Variants in CUX1 observed in about 807,000 individuals in gnomAD.
The protein encoded by CUX1 is protein CASP.
In CUX1, 31 loss-of-function variants were observed where a neutral mutation model predicts 158.8. That is an observed-to-expected ratio of 0.20 (90% CI 0.15 to 0.26). The LOEUF (loss-of-function observed/expected upper bound fraction) is 0.26. Among genes scored for constraint, CUX1 ranks in the 10% least tolerant of loss-of-function variants. The pLI, the probability that CUX1 is intolerant of heterozygous loss-of-function variation, is 1.00. For synonymous variants in CUX1, 879 were observed against 862.1 expected, an observed-to-expected ratio of 1.02 and a Z score of -0.34; for missense variants, 1,589 against 2,014.6, an observed-to-expected ratio of 0.79 and a Z score of 4.04.
chr7:102,205,002 G>A (rs1554520705), intron 19 of CUX1, 112 bp from the exon 20 acceptor site: 7 of 690,570 alleles, frequency 1.0e-5, no homozygotes, highest in South Asian at 5.7e-5. Flanking sequence ...CCCCATGCCC[G>A]CCCCTCCCCA....
intron 6 of CUX1, among the ~76,000 whole-genome samples, chr7:102,111,178 T>A (rs1443953671): frequency 6.6e-6 from 1 of 151,704 alleles, no homozygotes; most frequent in East Asian, 1.9e-4. Flanking sequence ...TCCTGGGAAA[T>A]CTGAATCTGT....
chr7:101,922,574 C>G (rs1805078759), intron 2 of CUX1, among the ~76,000 whole-genome samples: 1 of 152,208 alleles, frequency 6.6e-6, no homozygotes, highest in African/African-American at 2.4e-5. Context: ...CCCATAGTCC[C>G]AGTTTCAGCT....
intron 2 of CUX1, among the ~76,000 whole-genome samples, chr7:102,007,942 A>G (rs1817570486): frequency 6.6e-6 from 1 of 151,866 alleles, no homozygotes; most frequent in African/African-American, 2.4e-5. Flanking sequence ...GCAAGGTTTC[A>G]CCATGTTGGT....
chr7:102,087,411 T>A (rs1554480892), intron 4 of CUX1, among the ~76,000 whole-genome samples: 1 of 152,118 alleles, frequency 6.6e-6, no homozygotes, highest in Non-Finnish European at 1.5e-5. Context: ...AGAAACCCTA[T>A]CTCTACTAAA....
chr7:102,055,147 G>A (rs1206138199), intron 3 of CUX1, among the ~76,000 whole-genome samples: 1 of 151,492 alleles, frequency 6.6e-6, no homozygotes, highest in Admixed American at 6.6e-5. Flanking sequence ...CACAAGTTTT[G>A]TATTTCTTTT....
At chr7:102,144,230 G>A (rs1554501218) in intron 8 of CUX1, among the ~76,000 whole-genome samples, 2 of 152,160 alleles carry the variant, frequency 1.3e-5, no homozygotes, top group South Asian at 4.1e-4. Context: ...CAGCATCAGT[G>A]CACGCTTTAC....
chr7:101,841,392 C>T (rs1394987584), intron 1 of CUX1, among the ~76,000 whole-genome samples: 2 of 151,578 alleles, frequency 1.3e-5, no homozygotes, highest in Non-Finnish European at 1.5e-5. Flanking sequence ...TTTAGTTGTA[C>T]ATAGAGGTTT....
Position 102,170,542 on chromosome 7 carries a change from C to A in CUX1, c.820C>A (p.Pro274Thr). ...GCTGGCCTCACAGATCCAGAAGGCA[C>A]CAGACGTGGTGGGTAGCCCCGGCCC... ...LQLASQIQKA[P>T]DVEQAIEVLT... The change falls in exon 10 of 24, where the codon CCA (proline) becomes ACA (threonine). Residue 274 changes from proline (P) to threonine (T), a missense_variant. This residue lies in a region of CUX1 where 515 missense variants were observed against 574.4 expected (regional missense o/e 0.90). Coordinates refer to ENST00000292535, the MANE Select transcript of CUX1 (RefSeq NM_181552.4). 6.3e-7 allele frequency: 1 copy of A among 1,579,718 alleles called. No individual in the cohort carries two copies.
intron 6 of CUX1, among the ~76,000 whole-genome samples, chr7:102,110,504 A>C (rs183018367): frequency 6.6e-6 from 1 of 152,316 alleles, no homozygotes; most frequent in Admixed American, 6.5e-5. Flanking sequence ...ATTCGTTCAT[A>C]TTACGCTGTA....
intron 2 of CUX1, among the ~76,000 whole-genome samples, chr7:101,984,077 C>CAAAAAAAAAAA (rs1181549351): frequency 1.8e-4 from 3 of 16,768 alleles, no homozygotes; most frequent in African/African-American, 9.3e-4. Flanking sequence ...TGTCCCCCCC[C>CAAAAAAAAAAA]AAAAAAAAAA....
chr7:102,030,692 T>TTTTTTTTTG (rs1820675682), intron 3 of CUX1, among the ~76,000 whole-genome samples: 1 of 62,416 alleles, frequency 1.6e-5, no homozygotes, highest in African/African-American at 7.5e-5. Flanking sequence ...TTAAAAAGTG[T>TTTTTTTTTG]TTTTTTTTTT....
intron 1 of CUX1, among the ~76,000 whole-genome samples, chr7:101,867,000 C>G (rs935266226): frequency 6.6e-6 from 1 of 152,236 alleles, no homozygotes; most frequent in African/African-American, 2.4e-5. Flanking sequence ...GTGGGTGGAT[C>G]ACTTGAGGTC....
intron 5 of CUX1, among the ~76,000 whole-genome samples, chr7:102,098,162 C>T (rs1327711540): frequency 1.3e-5 from 2 of 152,198 alleles, no homozygotes; most frequent in Non-Finnish European, 2.9e-5. Context: ...TCACAGCTCC[C>T]GTCTGACAGC....
chr7:102,105,669 C>T (rs1053559306), intron 6 of CUX1, among the ~76,000 whole-genome samples: 4 of 151,924 alleles, frequency 2.6e-5, no homozygotes, highest in South Asian at 2.1e-4. Flanking sequence ...TGCGCCACCA[C>T]GCCTGGCTGA....
intron 2 of CUX1, among the ~76,000 whole-genome samples, chr7:101,984,513 A>G (rs1814023714): frequency 6.6e-6 from 1 of 151,700 alleles, no homozygotes; most frequent in African/African-American, 2.4e-5. Context: ...AAAAAAAAAA[A>G]AAAGTGCTTG....
intron 6 of CUX1, among the ~76,000 whole-genome samples, chr7:102,111,412 T>C (rs1159585618): frequency 6.6e-6 from 1 of 152,166 alleles, no homozygotes; most frequent in Non-Finnish European, 1.5e-5. Flanking sequence ...TTTTAAAATC[T>C]GGCATTTCAA....
At chr7:101,864,852 AATAG>A (rs1254196778) in intron 1 of CUX1, among the ~76,000 whole-genome samples, 3 of 152,344 alleles carry the variant, frequency 2.0e-5, no homozygotes, top group Non-Finnish European at 4.4e-5. Flanking sequence ...TGCCCAGCCT[AATAG>A]ATAGTTATTT....
intron 22 of CUX1, 84 bp downstream of exon 22, chr7:102,234,324 T>G: frequency 1.2e-5 from 15 of 1,276,836 alleles, no homozygotes; most frequent in Non-Finnish European, 1.5e-5. Flanking sequence ...ACACAGCTGA[T>G]GAGGGACATT....
chr7:102,242,135 C>T (rs911193681), intron 23 of CUX1, among the ~76,000 whole-genome samples: 3 of 151,462 alleles, frequency 2.0e-5, no homozygotes, highest in Non-Finnish European at 4.4e-5. Flanking sequence ...TGAACGGAAA[C>T]GTGGACAGGG....
Sources: allele counts gnomAD v4.1 joint callset (sites outside exome capture counted in the v4.1 genomes callset), GRCh38; gene constraint gnomAD v4.1.1; regional missense constraint gnomAD v4.1.1; transcripts MANE v1.5; gene names NCBI Gene and HGNC (gene_info 2026-07-23, HGNC 2026-07-21).